GLT8D2: variants seen among roughly 807,000 people sequenced by gnomAD.
GLT8D2 encodes the protein glycosyltransferase 8 domain-containing protein 2.
In GLT8D2, 45 loss-of-function variants were observed where a neutral mutation model predicts 44.5. The ratio of observed to expected loss-of-function variants is 1.01; its 90% CI spans 0.80 to 1.30. The LOEUF (loss-of-function observed/expected upper bound fraction) is 1.30, where lower values mean the gene tolerates loss of function less well. Ranked by LOEUF, GLT8D2 falls within the 50% of genes most tolerant of loss-of-function variation. GLT8D2 has a pLI of 0.00. For synonymous variants in GLT8D2, 156 were observed against 157.2 expected (o/e 0.99, Z 0.06); for missense variants, 400 against 430.4 (o/e 0.93, Z 0.62).
At chr12:104,041,197 T>C (rs1880510924) in intron 1 of GLT8D2, among the ~76,000 whole-genome samples, 1 of 152,140 alleles carries the variant, frequency 6.6e-6, no homozygotes, top group African/African-American at 2.4e-5. Flanking sequence ...GTGGATCATC[T>C]GGGGTCAGGA....
At chr12:104,037,482 C>T (rs1218762460) in intron 1 of GLT8D2, among the ~76,000 whole-genome samples, 1 of 151,096 alleles carries the variant, frequency 6.6e-6, no homozygotes, top group Non-Finnish European at 1.5e-5. Context: ...GGAGATATCA[C>T]CACCGATAGT....
At position 104,003,295 on chromosome 12, in the gene GLT8D2, C is replaced by A; in HGVS notation, c.124G>T (p.Glu42Ter). ...VPKNDADDES[E>*]TPEELEEEIP... ...TCTTCTTCCAGTTCTTCAGGAGTCT[C>A]GGATTCATCATCTGGAAACATAAAA... The change falls in exon 5 of 11, where the codon GAG becomes TAG. Residue 42 changes from glutamate to a stop codon, truncating the protein, a stop_gained. Transcript: ENST00000360814. LOFTEE classifies it high-confidence loss of function. 1 of 1,613,934 alleles carries A rather than the reference C, an allele frequency of 6.2e-7. No homozygotes were observed. Among genetic ancestry groups the A allele is most frequent in the Non-Finnish European group, 8.5e-7 (1 of 1,179,944 alleles).
chr12:104,060,350 T>G (rs992367656), intron 1 of GLT8D2, among the ~76,000 whole-genome samples: 2 of 152,220 alleles, frequency 1.3e-5, no homozygotes, highest in East Asian at 3.8e-4. Flanking sequence ...TCTTGAAGTT[T>G]CAGAGATTGA....
intron 4 of GLT8D2, among the ~76,000 whole-genome samples, chr12:104,007,489 T>C (rs1317404975): frequency 1.3e-5 from 2 of 152,218 alleles, no homozygotes; most frequent in Non-Finnish European, 2.9e-5. Context: ...CTACTGCATC[T>C]GAAATTTCCA....
intron 1 of GLT8D2, among the ~76,000 whole-genome samples, chr12:104,055,817 C>T (rs1237768790): frequency 1.3e-5 from 2 of 152,238 alleles, no homozygotes; most frequent in East Asian, 3.8e-4. Context: ...TGAATTACCA[C>T]ATTGGGTCAG....
intron 5 of GLT8D2, among the ~76,000 whole-genome samples, chr12:104,001,237 A>G (rs1315613891): frequency 6.6e-6 from 1 of 152,254 alleles, no homozygotes; most frequent in Non-Finnish European, 1.5e-5. Context: ...TTTCGTTAAC[A>G]TCTGGATCAT....
At chr12:104,035,550 G>C (rs1318963022) in intron 1 of GLT8D2, among the ~76,000 whole-genome samples, 1 of 152,092 alleles carries the variant, frequency 6.6e-6, no homozygotes, top group Non-Finnish European at 1.5e-5. Flanking sequence ...AATTCGATCA[G>C]GTGGAAGAAA....
At chr12:104,016,344 G>C (rs150920205) in intron 3 of GLT8D2, among the ~76,000 whole-genome samples, 1 of 151,634 alleles carries the variant, frequency 6.6e-6, no homozygotes, top group East Asian at 1.9e-4. Flanking sequence ...CTTGGTCAAG[G>C]ATGATGTGCA....
intron 9 of GLT8D2, chr12:103,993,996 TAATC>T: frequency 5.9e-6 from 1 of 168,190 alleles, no homozygotes; most frequent in Non-Finnish European, 1.3e-5. Context: ...CTTTATATAA[TAATC>T]CTTAATAAAA....
rs1566202518 is a variant in GLT8D2 at position 104,021,947 on chromosome 12, AGAAGAAGAG to A, written c.-163-465_-163-457del. 5.7e-3 allele frequency among the ~76,000 whole-genome samples: 101 copies of A among 17,722 alleles called. 3 individuals are homozygous for A. The highest frequency in any genetic ancestry group is 0.016 in the East Asian group (4 of 244). The allele number at this position is 17,722 out of a possible 152,430, so 11.6% of individuals were successfully genotyped here. A position where few individuals can be genotyped will look rare whatever the true frequency, so the allele number is the denominator to read the frequency against. On this transcript the variant is annotated intron_variant, in intron 1 of 10. Transcript: ENST00000360814. ...AAGAAGAAGAAGAAGAAGAAGAAGA[AGAAGAAGAG>A]GAAGAAGAGGAAGAGGAAGAGGAAG... is the stretch of plus-strand genomic sequence containing the variant.
Position 104,030,646 on chromosome 12 carries a change from G to T in GLT8D2, c.-163-9155C>A, listed in dbSNP as rs1879131503. On this transcript the variant is annotated intron_variant, in intron 1 of 10. Coordinates refer to ENST00000360814, the MANE Select transcript of GLT8D2 (RefSeq NM_001384711.1). The stretch of plus-strand genomic sequence containing the variant: ...TATTTACAAACCATATACCTGATAA[G>T]AAGTTAATATCCAAAATATATAAGA... 7 of 1,359,828 alleles carry T rather than the reference G, an allele frequency of 5.1e-6. No individual in the cohort carries two copies. The Admixed American group carries it at 9.4e-5, about 18-fold the overall frequency. 84.2% of individuals were successfully genotyped at this position (1,359,828 alleles called of 1,614,324 possible).
At chr12:104,043,413 C>T (rs897601263) in intron 1 of GLT8D2, among the ~76,000 whole-genome samples, 1 of 152,138 alleles carries the variant, frequency 6.6e-6, no homozygotes, top group Non-Finnish European at 1.5e-5. Flanking sequence ...GTATTTCCCC[C>T]GAAACATGCC....
chr12:103,993,584 G>T, intron 9 of GLT8D2, 80 bp from the exon 10 acceptor site: 2 of 855,694 alleles, frequency 2.3e-6, no homozygotes, highest in Non-Finnish European at 3.6e-6. Flanking sequence ...TATTGTAAAT[G>T]ATGTAAGACA....
intron 1 of GLT8D2, among the ~76,000 whole-genome samples, chr12:104,043,677 G>A (rs2136485239): frequency 6.6e-6 from 1 of 152,280 alleles, no homozygotes; most frequent in East Asian, 1.9e-4. Context: ...ATGCTGGCCA[G>A]GCTGTTCTTG....
At chr12:104,042,079 C>A (rs544252008) in intron 1 of GLT8D2, among the ~76,000 whole-genome samples, 1 of 152,222 alleles carries the variant, frequency 6.6e-6, no homozygotes, top group Non-Finnish European at 1.5e-5. Context: ...AACAGCTCTT[C>A]CCATCCTTTT....
intron 1 of GLT8D2, among the ~76,000 whole-genome samples, chr12:104,048,343 A>G (rs976613081): frequency 6.6e-6 from 1 of 152,224 alleles, no homozygotes; most frequent in South Asian, 2.1e-4. Flanking sequence ...GGATTTCTCT[A>G]CTACAGGACT....
chr12:103,994,140 T>C, intron 9 of GLT8D2, 195 bp downstream of exon 9: 1 of 412,758 alleles, frequency 2.4e-6, no homozygotes, highest in African/African-American at 2.0e-5. Context: ...CACAGGATCT[T>C]GATTCCTCTG....
intron 4 of GLT8D2, among the ~76,000 whole-genome samples, chr12:104,006,782 G>A (rs1875067596): frequency 6.6e-6 from 1 of 152,206 alleles, no homozygotes; most frequent in Admixed American, 6.6e-5. Flanking sequence ...ATAAGGCTGT[G>A]AGCCCTTTTG....
At chr12:104,004,475 A>G (rs1370939208) in intron 4 of GLT8D2, among the ~76,000 whole-genome samples, 1 of 152,238 alleles carries the variant, frequency 6.6e-6, no homozygotes, top group African/African-American at 2.4e-5. Flanking sequence ...GTATATTTAG[A>G]AAACCCGACC....
Sources: allele counts gnomAD v4.1 joint callset (sites outside exome capture counted in the v4.1 genomes callset), GRCh38; gene constraint gnomAD v4.1.1; transcripts MANE v1.5; gene names NCBI Gene and HGNC (gene_info 2026-07-23, HGNC 2026-07-21).